CDH12: variants seen among roughly 807,000 people sequenced by gnomAD.
CDH12 encodes the protein cadherin 12.
In CDH12, 41 loss-of-function variants were observed where a neutral mutation model predicts 74.1. The observed-to-expected ratio is 0.55, with a 90% CI of 0.43 to 0.72. The LOEUF is 0.72. CDH12 is among the 30% of genes least tolerant of loss of function. The pLI, the probability that CDH12 is intolerant of heterozygous loss-of-function variation, is 0.00. For missense variants in CDH12, 945 were observed against 977.2 expected (o/e 0.97, Z 0.44); for synonymous variants, 399 against 355.0 (o/e 1.12, Z -1.39).
At chr5:22,436,151 A>C (rs1261121569) in intron 2 of CDH12, among the ~76,000 whole-genome samples, 5 of 151,054 alleles carry the variant, frequency 3.3e-5, no homozygotes, top group African/African-American at 4.9e-5. Flanking sequence ...CATCATTCTC[A>C]GCAAACTATC....
chr5:22,078,022 T>C (rs1017222812), intron 5 of CDH12, among the ~76,000 whole-genome samples: 6 of 152,068 alleles, frequency 3.9e-5, no homozygotes, highest in African/African-American at 1.4e-4. Context: ...CAAGATCAGT[T>C]TAGATTATTT....
At chr5:22,159,202 G>C (rs1418385200) in intron 4 of CDH12, among the ~76,000 whole-genome samples, 1 of 152,002 alleles carries the variant, frequency 6.6e-6, no homozygotes. Context: ...CAACAGCAAG[G>C]ACAAAAGAGA....
intron 3 of CDH12, among the ~76,000 whole-genome samples, chr5:22,344,730 T>C (rs113898086): frequency 0.056 from 8,595 of 152,240 alleles, 356 homozygotes; most frequent in African/African-American, 0.12. Flanking sequence ...ATATGTATTT[T>C]CCAGGATCAT....
chr5:22,188,837 G>A (rs1462361277), intron 4 of CDH12, among the ~76,000 whole-genome samples: 1 of 152,188 alleles, frequency 6.6e-6, no homozygotes, highest in Non-Finnish European at 1.5e-5. Flanking sequence ...GTGCTGTTCT[G>A]TGCTGCATCA....
intron 2 of CDH12, among the ~76,000 whole-genome samples, chr5:22,483,427 T>C (rs1364197005): frequency 6.6e-6 from 1 of 151,972 alleles, no homozygotes; most frequent in Non-Finnish European, 1.5e-5. Context: ...ACATGATTTC[T>C]GCAAACATGA....
chr5:21,910,982 C>T (rs1241085283), intron 6 of CDH12, among the ~76,000 whole-genome samples: 1 of 152,114 alleles, frequency 6.6e-6, no homozygotes, highest in East Asian at 1.9e-4. Context: ...TTTTTAAAGG[C>T]CTTAGCCTTG....
intron 4 of CDH12, among the ~76,000 whole-genome samples, chr5:22,128,765 G>A (rs1207761118): frequency 6.6e-6 from 1 of 152,022 alleles, no homozygotes; most frequent in African/African-American, 2.4e-5. Flanking sequence ...GTTTACCAAG[G>A]AGGAATATTT....
At chr5:21,900,541 TA>T (rs921685249) in intron 6 of CDH12, among the ~76,000 whole-genome samples, 2 of 152,180 alleles carry the variant, frequency 1.3e-5, no homozygotes, top group Admixed American at 1.3e-4. Flanking sequence ...GCCAATTCAT[TA>T]AAAAACTGGT....
At chr5:21,955,730 T>C (rs924360418) in intron 6 of CDH12, among the ~76,000 whole-genome samples, 15 of 152,098 alleles carry the variant, frequency 9.9e-5, no homozygotes, top group Admixed American at 2.0e-4. Flanking sequence ...ACTCTCAGCA[T>C]AAGGTGAACC....
chr5:22,655,663 G>T (rs1255141420), intron 1 of CDH12, among the ~76,000 whole-genome samples: 1 of 152,150 alleles, frequency 6.6e-6, no homozygotes, highest in Non-Finnish European at 1.5e-5. Flanking sequence ...CTGCCTGGAG[G>T]ACAATGAATG....
At chr5:22,289,664 A>G (rs1737297793) in intron 3 of CDH12, among the ~76,000 whole-genome samples, 1 of 152,144 alleles carries the variant, frequency 6.6e-6, no homozygotes, top group Non-Finnish European at 1.5e-5. Flanking sequence ...ATATGCATTG[A>G]AGAAGGAAGG....
intron 1 of CDH12, among the ~76,000 whole-genome samples, chr5:22,806,153 T>C (rs967432608): frequency 1.3e-5 from 2 of 152,160 alleles, no homozygotes; most frequent in Admixed American, 1.3e-4. Flanking sequence ...GCATGATTTA[T>C]AATCCTTTGG....
At chr5:22,015,188 C>T (rs1355956395) in intron 5 of CDH12, among the ~76,000 whole-genome samples, 2 of 152,130 alleles carry the variant, frequency 1.3e-5, no homozygotes, top group Non-Finnish European at 2.9e-5. Context: ...GCTAACTTTG[C>T]AGTTCTACAT....
At chr5:22,180,387 A>AT (rs1044596219) in intron 4 of CDH12, among the ~76,000 whole-genome samples, 4 of 151,368 alleles carry the variant, frequency 2.6e-5, no homozygotes, top group Admixed American at 6.6e-5. Flanking sequence ...CAGTGGCTTA[A>AT]TTTTTTTTTC....
chr5:22,107,344 C>G lies in CDH12; in HGVS notation c.-186-28482G>C, dbSNP rs138895036. 1.5e-3 allele frequency among the ~76,000 whole-genome samples: 225 copies of G among 151,854 alleles called. 6 individuals carry two copies. The East Asian group carries it at 0.039, about 26-fold the overall frequency. ...ATAGAGTTTTACTATGTTGGCCAGG[C>G]TGGTCTTGAACTCCTGACCTCAGGT... On this transcript the variant is annotated intron_variant, in intron 4 of 14. Transcript: ENST00000382254.
chr5:22,692,304 T>G lies in CDH12; in HGVS notation c.-523+160754A>C, dbSNP rs536870185. Among the ~76,000 whole-genome samples, 7 of 152,284 alleles carry G rather than the reference T, an allele frequency of 4.6e-5. No homozygotes were observed. The East Asian group carries it at 7.7e-4, about 17-fold the overall frequency. On this transcript the variant is annotated intron_variant, in intron 1 of 14. Coordinates refer to ENST00000382254, the MANE Select transcript of CDH12 (RefSeq NM_004061.5). ...AGAGCTATGAGCCAAGTAAACTTCT[T>G]TTTTGAAAATAAATTATCCAGCCTC...
chr5:22,836,677 G>T (rs908130686), intron 1 of CDH12, among the ~76,000 whole-genome samples: 1 of 151,964 alleles, frequency 6.6e-6, no homozygotes, highest in East Asian at 1.9e-4. Flanking sequence ...TTGAATTCAG[G>T]TGTTTATTCA....
In CDH12 at chr5:22,446,823, T is replaced by A. The variant is rs981860181; in HGVS notation, c.-427-41472A>T. 2.0e-5 allele frequency among the ~76,000 whole-genome samples: 3 copies of A among 152,162 alleles called. No individual in the cohort carries two copies. In the East Asian group the frequency reaches 5.8e-4, roughly 29 times the overall value. ...CAAGTCTGAAAATATTTTTTCAAATTGTAAACATTAAATATGAAAGTTTTA... is the reference window on the plus strand; with the variant it reads ...CAAGTCTGAAAATATTTTTTCAAATAGTAAACATTAAATATGAAAGTTTTA... On this transcript the variant is annotated intron_variant, in intron 2 of 14. Transcript: ENST00000382254.
intron 1 of CDH12, among the ~76,000 whole-genome samples, chr5:22,672,342 G>A (rs1442253007): frequency 1.3e-5 from 2 of 151,510 alleles, no homozygotes; most frequent in Non-Finnish European, 2.9e-5. Flanking sequence ...GTCCTCCAGA[G>A]GTTTGTGTGC....
Sources: gnomAD v4.1 joint callset for allele counts (sites outside exome capture counted in the v4.1 genomes callset) on GRCh38, gnomAD v4.1.1 for gene constraint, MANE v1.5 for transcripts, NCBI Gene and HGNC (gene_info 2026-07-23, HGNC 2026-07-21) for gene names.